Variants in ANOS1 observed in about 807,000 individuals in gnomAD.
ANOS1 encodes anosmin-1.
A neutral mutation model predicts 59.0 loss-of-function variants in ANOS1; 6 were observed. That is an observed-to-expected ratio of 0.10 (90% confidence interval 0.06 to 0.20). The LOEUF (loss-of-function observed/expected upper bound fraction) is 0.20, where lower values mean the gene tolerates loss of function less well. Among genes scored for constraint, ANOS1 ranks in the 10% least tolerant of loss-of-function variants. The probability of loss-of-function intolerance (pLI) is 1.00; values close to 1 mark genes in which losing one functional copy is unlikely to be tolerated. For missense variants in ANOS1, 433 were observed against 542.3 expected (o/e 0.80, Z 2.00); for synonymous variants, 217 against 223.4 (o/e 0.97, Z 0.25).
chrX:8,596,044 C>A (rs767105001), intron 4 of ANOS1, among the ~76,000 whole-genome samples: 4 of 111,554 alleles, frequency 3.6e-5, no homozygotes, highest in African/African-American at 1.3e-4. Flanking sequence ...CTCCCATCAC[C>A]CCCAGATGGG....
chrX:8,630,881 T>G (rs968479532), intron 2 of ANOS1, among the ~76,000 whole-genome samples: 7 of 113,093 alleles, frequency 6.2e-5, no homozygotes, highest in African/African-American at 2.2e-4. Context: ...AGTGTCAGTA[T>G]GCCACCAGGG....
At chrX:8,709,343 T>G (rs1293750817) in intron 1 of ANOS1, among the ~76,000 whole-genome samples, 1 of 111,985 alleles carries the variant, frequency 8.9e-6, no homozygotes, top group Non-Finnish European at 1.9e-5. Flanking sequence ...AGAAATGTCT[T>G]TAAGAAAACA....
At chrX:8,674,031 G>C (rs6638855) in intron 2 of ANOS1, among the ~76,000 whole-genome samples, 54,742 of 110,511 alleles carry the variant, frequency 0.5, 10,275 homozygotes, top group African/African-American at 0.67. Context: ...TCATCATGTT[G>C]CAAATGGCAC....
chrX:8,679,765 A>G (rs907225231), intron 2 of ANOS1, among the ~76,000 whole-genome samples: 5 of 111,478 alleles, frequency 4.5e-5, no homozygotes, highest in African/African-American at 1.6e-4. Flanking sequence ...TACACTCAAA[A>G]ATAGCTCTCA....
chrX:8,587,746 C>T, intron 5 of ANOS1, 48 bp downstream of exon 5: 1 of 1,045,751 alleles, frequency 9.6e-7, no homozygotes, highest in Non-Finnish European at 1.3e-6. Flanking sequence ...AGCTATGTAG[C>T]AGACACTACC....
intron 3 of ANOS1, among the ~76,000 whole-genome samples, chrX:8,621,362 G>A (rs1398130275): frequency 1.0e-5 from 1 of 99,967 alleles, no homozygotes; most frequent in African/African-American, 3.8e-5. Context: ...AAAAAAAAAA[G>A]ATTCTATAAA....
At chrX:8,582,182 T>G (rs1930436789) in intron 6 of ANOS1, among the ~76,000 whole-genome samples, 1 of 112,476 alleles carries the variant, frequency 8.9e-6, no homozygotes, top group Non-Finnish European at 1.9e-5. Flanking sequence ...TAAGGCAGGG[T>G]AGACAGTCAT....
At chrX:8,633,146 G>T (rs1931516461) in intron 2 of ANOS1, among the ~76,000 whole-genome samples, 1 of 111,505 alleles carries the variant, frequency 9.0e-6, no homozygotes, top group South Asian at 3.8e-4. Context: ...CAATCACAGA[G>T]GATTAGCATG....
intron 2 of ANOS1, among the ~76,000 whole-genome samples, chrX:8,634,360 C>CA (rs199600210): frequency 1.4e-3 from 151 of 106,990 alleles, no homozygotes; most frequent in African/African-American, 4.8e-3. Flanking sequence ...CAAATATAGC[C>CA]AAAAAAAAGA....
In ANOS1 at chrX:8,554,243, G is replaced by C. The variant is rs7062755; in HGVS notation, c.1208-145C>G. 7.1e-4 allele frequency: 363 copies of C among 511,709 alleles called. 4 individuals carry two copies. In the African/African-American group the frequency reaches 7.9e-3, roughly 11 times the overall value. 42.2% of individuals were successfully genotyped at this position (511,709 alleles called of 1,213,427 possible). A position where few individuals can be genotyped will look rare whatever the true frequency, so the allele number is the denominator to read the frequency against. ...GGTGATTTCTCTATTTCCAACGGAG[G>C]TACCGGCTCATCTCATTAGGACTGG... On this transcript the variant is annotated intron_variant, in intron 8 of 13. Coordinates refer to ENST00000262648, the MANE Select transcript of ANOS1 (RefSeq NM_000216.4).
chrX:8,633,524 T>C (rs904806640), intron 2 of ANOS1, among the ~76,000 whole-genome samples: 8 of 112,004 alleles, frequency 7.1e-5, no homozygotes, highest in Non-Finnish European at 1.5e-4. Flanking sequence ...GCATTTTTGG[T>C]ACAGTATTGA....
chrX:8,615,805 C>T (rs1052090015), intron 3 of ANOS1, among the ~76,000 whole-genome samples: 3 of 111,371 alleles, frequency 2.7e-5, no homozygotes, highest in East Asian at 5.7e-4. Flanking sequence ...TGTCCCAGGA[C>T]GTAGAAGCTT....
At position 8,732,061 on chromosome X, in the gene ANOS1, A is replaced by AGGGCGCC; in HGVS notation, c.-32_-26dup. On this transcript the variant is annotated 5_prime_UTR_variant, in exon 1 of 14. Transcript: ENST00000262648. Reference sequence around the variant, plus strand: ...TGGCTGCGGGTCGAGGGCGAGGGCGAGGGCGCCGGGCGCGGGCCGAGGCTC... The same window carrying AGGGCGCC: ...TGGCTGCGGGTCGAGGGCGAGGGCGAGGGCGCCGGGCGCCGGGCGCGGGCCGAGGCTC... 1 of 920,250 alleles carries AGGGCGCC rather than the reference A, an allele frequency of 1.1e-6. No homozygotes were observed. 75.8% of individuals were successfully genotyped at this position (920,250 alleles called of 1,213,427 possible).
At chrX:8,686,078 C>A (rs1177885534) in intron 2 of ANOS1, among the ~76,000 whole-genome samples, 1 of 112,023 alleles carries the variant, frequency 8.9e-6, no homozygotes, top group Non-Finnish European at 1.9e-5. Flanking sequence ...CAGTTACAGC[C>A]ATTACCTAAT....
chrX:8,713,966 T>C (rs1231026503), intron 1 of ANOS1, among the ~76,000 whole-genome samples: 1 of 112,130 alleles, frequency 8.9e-6, no homozygotes, highest in Non-Finnish European at 1.9e-5. Context: ...ACTGAGACCC[T>C]TATTCAGCTC....
Position 8,534,306 on chromosome X carries a change from G to T in ANOS1, c.1984+13C>A. 10 of 1,209,511 alleles carry T rather than the reference G, an allele frequency of 8.3e-6. No individual in the cohort carries two copies. The highest frequency in any genetic ancestry group is 1.1e-5 in the Non-Finnish European group (10 of 893,654). ...CCTGACAGGATGGCTTAATGCCCTG[G>T]CACCCCACTCACTGTGTGCTGAAGA... is the stretch of plus-strand genomic sequence containing the variant. On this transcript the variant is annotated intron_variant, in intron 13 of 13. Transcript: ENST00000262648.
At chrX:8,604,848 A>G (rs1299981638) in intron 3 of ANOS1, among the ~76,000 whole-genome samples, 4 of 112,824 alleles carry the variant, frequency 3.5e-5, no homozygotes, top group African/African-American at 1.3e-4. Flanking sequence ...CTTTGAACAC[A>G]GTGTCTCTGA....
At chrX:8,659,972 G>A (rs746708341) in intron 2 of ANOS1, among the ~76,000 whole-genome samples, 1 of 111,654 alleles carries the variant, frequency 9.0e-6, no homozygotes, top group Admixed American at 9.6e-5. Flanking sequence ...AAAGAGAGTA[G>A]ATGGCAGGTT....
intron 3 of ANOS1, among the ~76,000 whole-genome samples, chrX:8,618,596 C>A (rs758368995): frequency 2.7e-5 from 3 of 111,691 alleles, no homozygotes; most frequent in Non-Finnish European, 5.6e-5. Context: ...AGCAAGGAGG[C>A]AAGTCATAAA....
Sources: allele counts gnomAD v4.1 joint callset (sites outside exome capture counted in the v4.1 genomes callset), GRCh38; gene constraint gnomAD v4.1.1; transcripts MANE v1.5; gene names NCBI Gene and HGNC (gene_info 2026-07-23, HGNC 2026-07-21).